Variants in CNTN4 observed in about 807,000 individuals in gnomAD.
CNTN4 encodes contactin 4.
A neutral mutation model predicts 122.5 loss-of-function variants in CNTN4; 77 were observed. The observed-to-expected ratio is 0.63, with a 90% CI of 0.52 to 0.76. The LOEUF (loss-of-function observed/expected upper bound fraction) is 0.76, where lower values mean the gene tolerates loss of function less well. Among genes scored for constraint, CNTN4 ranks in the 30% least tolerant of loss-of-function variants. The probability of loss-of-function intolerance (pLI) is 0.00; values close to 1 mark genes in which losing one functional copy is unlikely to be tolerated. For synonymous variants in CNTN4, 512 were observed against 447.0 expected (o/e 1.15, Z -1.83); for missense variants, 1,256 against 1,259.1 (o/e 1.00, Z 0.04).
intron 3 of CNTN4, among the ~76,000 whole-genome samples, chr3:2,425,546 C>T (rs1464691478): frequency 6.6e-6 from 1 of 152,134 alleles, no homozygotes; most frequent in African/African-American, 2.4e-5. Flanking sequence ...ATTGTCTTGG[C>T]AATGTGGGCT....
intron 7 of CNTN4, among the ~76,000 whole-genome samples, chr3:2,836,011 A>G (rs914187862): frequency 6.6e-6 from 1 of 152,168 alleles, no homozygotes; most frequent in Non-Finnish European, 1.5e-5. Context: ...GAGAAATACA[A>G]ATAGGCAAAA....
At chr3:2,724,919 G>A (rs1326719112) in intron 4 of CNTN4, among the ~76,000 whole-genome samples, 1 of 151,956 alleles carries the variant, frequency 6.6e-6, no homozygotes, top group East Asian at 1.9e-4. Flanking sequence ...GCGTTGGAGA[G>A]ATAGCTGGGG....
At chr3:2,197,544 A>G (rs920635354) in intron 2 of CNTN4, among the ~76,000 whole-genome samples, 2 of 152,176 alleles carry the variant, frequency 1.3e-5, no homozygotes, top group East Asian at 1.9e-4. Context: ...AAATGGGAAG[A>G]TGGAGACTCA....
At chr3:2,900,306 G>C (rs76142623) in intron 10 of CNTN4, among the ~76,000 whole-genome samples, 2 of 152,262 alleles carry the variant, frequency 1.3e-5, no homozygotes, top group African/African-American at 4.8e-5. Context: ...AAGCAATCTG[G>C]CAAATGTAGT....
intron 3 of CNTN4, among the ~76,000 whole-genome samples, chr3:2,354,364 C>CT (rs1428107489): frequency 1.3e-5 from 2 of 152,040 alleles, no homozygotes; most frequent in East Asian, 1.9e-4. Flanking sequence ...AACCCCATCT[C>CT]TACTAAAAGT....
At chr3:2,496,898 G>C (rs951890837) in intron 3 of CNTN4, among the ~76,000 whole-genome samples, 25 of 152,254 alleles carry the variant, frequency 1.6e-4, no homozygotes, top group African/African-American at 5.8e-4. Flanking sequence ...TCTCATAGAA[G>C]TCCTGGAGTC....
chr3:2,432,978 T>TG (rs1324658479), intron 3 of CNTN4, among the ~76,000 whole-genome samples: 5 of 151,034 alleles, frequency 3.3e-5, no homozygotes, highest in East Asian at 1.9e-4. Flanking sequence ...CTCATTTGTT[T>TG]TTTTGTTTGT....
Position 2,786,984 on chromosome 3 carries a change from C to T in CNTN4, c.359-32502C>T, listed in dbSNP as rs956139834. 4.3e-4 allele frequency among the ~76,000 whole-genome samples: 66 copies of T among 152,252 alleles called. 1 individual carries two copies. Among genetic ancestry groups the T allele is most frequent in the African/African-American group, 1.5e-3 (62 of 41,534 alleles). On this transcript the variant is annotated intron_variant, in intron 6 of 24. Transcript: ENST00000418658. The stretch of plus-strand genomic sequence containing the variant: ...GAACTATTGTTTCTTGGCACTCATT[C>T]ATGCAAAAACTGGGTTAGAAATTGG...
chr3:2,588,482 T>A (rs2080311013), intron 4 of CNTN4, among the ~76,000 whole-genome samples: 1 of 152,036 alleles, frequency 6.6e-6, no homozygotes, highest in Non-Finnish European at 1.5e-5. Context: ...TTCTCCTGCC[T>A]CAGCCTCCAA....
chr3:2,109,129 TC>T (rs2032724285), intron 2 of CNTN4, among the ~76,000 whole-genome samples: 1 of 152,222 alleles, frequency 6.6e-6, no homozygotes, highest in South Asian at 2.1e-4. Context: ...GTTTGTTTTT[TC>T]TTGCATATTT....
chr3:2,180,968 C>T (rs2036987004), intron 2 of CNTN4, among the ~76,000 whole-genome samples: 1 of 152,036 alleles, frequency 6.6e-6, no homozygotes, highest in Non-Finnish European at 1.5e-5. Context: ...CTGGTTGCTA[C>T]TCATGATTAG....
chr3:2,730,809 C>T (rs2088621277), intron 4 of CNTN4, among the ~76,000 whole-genome samples: 1 of 152,100 alleles, frequency 6.6e-6, no homozygotes, highest in Admixed American at 6.6e-5. Flanking sequence ...AGCCCAGCCC[C>T]ATCCATTCAG....
intron 2 of CNTN4, among the ~76,000 whole-genome samples, chr3:2,311,162 A>G (rs910109777): frequency 6.6e-6 from 1 of 152,064 alleles, no homozygotes; most frequent in African/African-American, 2.4e-5. Context: ...TTTCTAATTA[A>G]AGACTGTTTC....
intron 3 of CNTN4, among the ~76,000 whole-genome samples, chr3:2,364,978 C>T (rs1237390008): frequency 6.6e-6 from 1 of 151,998 alleles, no homozygotes; most frequent in East Asian, 1.9e-4. Context: ...ATTTATTTAT[C>T]CGTTGGGGAT....
chr3:2,647,599 A>G (rs1160292493), intron 4 of CNTN4, among the ~76,000 whole-genome samples: 4 of 152,066 alleles, frequency 2.6e-5, no homozygotes, highest in Admixed American at 6.6e-5. Flanking sequence ...CTAGGCTTAC[A>G]CCTCATATTT....
At chr3:2,473,253 C>T (rs981019166) in intron 3 of CNTN4, among the ~76,000 whole-genome samples, 2 of 120,764 alleles carry the variant, frequency 1.7e-5, no homozygotes, top group Non-Finnish European at 3.8e-5. Context: ...AAAAAAAAAA[C>T]ACCTGCCAGC....
intron 9 of CNTN4, among the ~76,000 whole-genome samples, chr3:2,884,862 A>G (rs556312312): frequency 2.0e-5 from 3 of 152,354 alleles, no homozygotes; most frequent in African/African-American, 7.2e-5. Flanking sequence ...TCTTCAGTCT[A>G]CACAGAAATG....
rs151253729 is a variant in CNTN4, at chr3:2,843,171, T to G, written c.455-23581T>G. On this transcript the variant is annotated intron_variant, in intron 7 of 24. Coordinates refer to ENST00000418658, the MANE Select transcript of CNTN4 (RefSeq NM_175607.3). Reference sequence around the variant, plus strand: ...ATCTTCTTCCTAAATCTTATTCTCCTATAGTTTTCCCAGTCACAGGAAAGG... The same window carrying G: ...ATCTTCTTCCTAAATCTTATTCTCCGATAGTTTTCCCAGTCACAGGAAAGG... 4.4e-3 allele frequency among the ~76,000 whole-genome samples: 669 copies of G among 152,346 alleles called. 2 individuals carry two copies. The highest frequency in any genetic ancestry group is 0.015 in the African/African-American group (632 of 41,588).
intron 8 of CNTN4, among the ~76,000 whole-genome samples, chr3:2,876,151 G>T (rs1320853821): frequency 6.6e-6 from 1 of 152,200 alleles, no homozygotes; most frequent in Non-Finnish European, 1.5e-5. Flanking sequence ...GTGACACCTT[G>T]AGATACCTTG....
Sources: gnomAD v4.1 joint callset for allele counts (sites outside exome capture counted in the v4.1 genomes callset) on GRCh38, gnomAD v4.1.1 for gene constraint, MANE v1.5 for transcripts, NCBI Gene and HGNC (gene_info 2026-07-23, HGNC 2026-07-21) for gene names.